Variants in PFN4 observed in about 807,000 individuals in gnomAD.
PFN4 encodes profilin-4.
A neutral mutation model predicts 16.3 loss-of-function variants in PFN4; 10 were observed. The observed-to-expected ratio is 0.61, with a 90% CI of 0.38 to 1.04. The LOEUF (loss-of-function observed/expected upper bound fraction) is 1.04, where lower values mean the gene tolerates loss of function less well. Among genes scored for constraint, PFN4 ranks in the 50% least tolerant of loss-of-function variants. PFN4 has a pLI of 0.01. For synonymous variants in PFN4, 54 were observed against 56.9 expected (o/e 0.95, Z 0.23); for missense variants, 136 against 153.6 (o/e 0.89, Z 0.61).
chr2:24,119,606 C>T lies in PFN4; in HGVS notation c.332G>A (p.Ser111Asn). The change falls in exon 4 of 5, where the codon AGC becomes AAC. Residue 111 changes from serine to asparagine, a missense_variant. Transcript: ENST00000313213. Reference protein sequence around the residue: ...VATYTEGMYPSICVEATESLG... With the variant: ...VATYTEGMYPNICVEATESLG... ...GCTCTCTGTGGCTTCCACACAGATG[C>T]TAGGATACATGCCCTCAGTGTAAGT... The T allele has an allele frequency of 6.2e-7, 1 of 1,613,946 alleles. No homozygotes were observed. The highest frequency in any genetic ancestry group is 8.5e-7 in the Non-Finnish European group (1 of 1,179,866).
At position 24,121,490 on chromosome 2, in the gene PFN4, G is replaced by C. The variant is rs1033003650; in HGVS notation, c.118-190C>G. ...CAAATTATATGAAATTCAAACTTCA[G>C]TATCCATAAATATAAAATTTTATTG... On this transcript the variant is annotated intron_variant, in intron 2 of 4. Transcript: ENST00000313213. 2.6e-5 allele frequency among the ~76,000 whole-genome samples: 4 copies of C among 152,150 alleles called. No individual in the cohort carries two copies. In the South Asian group the frequency reaches 8.3e-4, roughly 32 times the overall value.
Position 24,121,305 on chromosome 2 carries a change from A to G in PFN4, c.118-5T>C, listed in dbSNP as rs367971215. ...TCGGACATCACTGGGCGTTACCTGG[A>G]GAGGTTACATGGTTAGAGCAGGAGT... On this transcript the variant is annotated splice_region_variant and splice_polypyrimidine_tract_variant and intron_variant, in intron 2 of 4. Coordinates refer to ENST00000313213, the MANE Select transcript of PFN4 (RefSeq NM_199346.3). 14 of 1,614,058 alleles carry G rather than the reference A, an allele frequency of 8.7e-6. No homozygotes were observed. The highest frequency in any genetic ancestry group is 1.2e-5 in the Non-Finnish European group (14 of 1,179,960).
intron 4 of PFN4, 139 bp from the exon 5 acceptor site, chr2:24,115,750 A>G: frequency 9.2e-6 from 8 of 869,014 alleles, no homozygotes; most frequent in East Asian, 2.6e-5. Context: ...CTGGAGAAAC[A>G]AGGGTGACTG....
At chr2:24,116,880 A>C (rs915329207) in intron 4 of PFN4, among the ~76,000 whole-genome samples, 62 of 148,234 alleles carry the variant, frequency 4.2e-4, no homozygotes, top group African/African-American at 1.5e-3. Flanking sequence ...GTGTCTCAAA[A>C]AAAAAAAAGA....
chr2:24,122,001 A>G (rs1463659523), intron 2 of PFN4, among the ~76,000 whole-genome samples: 1 of 152,164 alleles, frequency 6.6e-6, no homozygotes, highest in Non-Finnish European at 1.5e-5. Flanking sequence ...GAAACCTAAA[A>G]TATTTATGTA....
In PFN4 at chr2:24,123,216, T is replaced by C. The variant is rs1397971228; in HGVS notation, c.-111A>G. ...AGGGGGTGGTGAGCGGTGAATTCCCTGGCACCGAGGACTCGAGGGAGCGGA... is the reference window on the plus strand; with the variant it reads ...AGGGGGTGGTGAGCGGTGAATTCCCCGGCACCGAGGACTCGAGGGAGCGGA... On this transcript the variant is annotated 5_prime_UTR_variant, in exon 1 of 5. Transcript: ENST00000313213. 1 of 152,196 alleles carries C rather than the reference T, an allele frequency of 6.6e-6. No individual in the cohort carries two copies. The highest frequency in any genetic ancestry group is 2.4e-5 in the African/African-American group (1 of 41,400). 9.4% of individuals were successfully genotyped at this position (152,196 alleles called of 1,614,324 possible). A position where few individuals can be genotyped will look rare whatever the true frequency, so the allele number is the denominator to read the frequency against.
At chr2:24,122,623 GAC>G in intron 1 of PFN4, 76 bp from the exon 2 acceptor site, 1 of 841,506 alleles carries the variant, frequency 1.2e-6, no homozygotes, top group East Asian at 2.4e-5. Context: ...ATGTCCTTAA[GAC>G]ACTGCAGACA....
chr2:24,121,665 G>A (rs1457243909), intron 2 of PFN4, among the ~76,000 whole-genome samples: 1 of 152,094 alleles, frequency 6.6e-6, no homozygotes, highest in African/African-American at 2.4e-5. Context: ...GGGGCCTAAT[G>A]GGAGGTATTT....
chr2:24,121,185 T>C lies in PFN4; in HGVS notation c.233A>G (p.Glu78Gly). ...CACATTTTTGGCATAAAGAGAATAT[T>C]CATCTGCCCGGACACATCTGTAATC... ...GKDYRCVRADEYSLYAKNENT... is the reference protein window; with the variant it reads ...GKDYRCVRADGYSLYAKNENT... The change falls in exon 3 of 5, where the codon GAA becomes GGA. Residue 78 changes from glutamate to glycine, a missense_variant. Coordinates refer to ENST00000313213, the MANE Select transcript of PFN4 (RefSeq NM_199346.3). 1 of 1,614,130 alleles carries C rather than the reference T, an allele frequency of 6.2e-7. No homozygotes were observed. The highest frequency in any genetic ancestry group is 8.5e-7 in the Non-Finnish European group (1 of 1,180,006).
intron 4 of PFN4, among the ~76,000 whole-genome samples, chr2:24,117,453 T>C (rs940312357): frequency 2.6e-5 from 4 of 151,842 alleles, no homozygotes; most frequent in Non-Finnish European, 4.4e-5. Flanking sequence ...TCTTTTTTTT[T>C]TTTTCTCGAG....
At chr2:24,123,393 G>C (rs1666190255), upstream of PFN4, 1 of 152,104 alleles carries the variant, frequency 6.6e-6, no homozygotes, top group Admixed American at 6.5e-5. Context: ...CGCAAACCAA[G>C]ACCCGCCACC....
chr2:24,117,824 TAAAGG>T (rs1225849751), intron 4 of PFN4, among the ~76,000 whole-genome samples: 1 of 151,848 alleles, frequency 6.6e-6, no homozygotes, highest in Non-Finnish European at 1.5e-5. Context: ...TAAAAAGGAG[TAAAGG>T]AAACAAAAGT....
intron 4 of PFN4, 32 bp downstream of exon 4, chr2:24,119,545 G>T: frequency 6.6e-7 from 1 of 1,514,626 alleles, no homozygotes. Context: ...CTAACATAGG[G>T]AATGAAGACA....
At chr2:24,120,159 C>T (rs571173230) in intron 3 of PFN4, among the ~76,000 whole-genome samples, 24 of 152,078 alleles carry the variant, frequency 1.6e-4, no homozygotes, top group Admixed American at 3.9e-4. Context: ...ACCCCAGCTA[C>T]TCGGTAAGCT....
intron 2 of PFN4, among the ~76,000 whole-genome samples, chr2:24,121,516 G>T (rs1651302174): frequency 6.6e-6 from 1 of 152,072 alleles, no homozygotes; most frequent in South Asian, 2.1e-4. Flanking sequence ...AATTTTATTG[G>T]AACACAGTCA....
chr2:24,116,813 G>A (rs1324872231), intron 4 of PFN4, among the ~76,000 whole-genome samples: 2 of 151,368 alleles, frequency 1.3e-5, no homozygotes, highest in Non-Finnish European at 2.9e-5. Flanking sequence ...GAACCTGGAA[G>A]TTGCAGGGAG....
intron 4 of PFN4, among the ~76,000 whole-genome samples, chr2:24,115,911 A>C (rs1255792580): frequency 1.7e-5 from 2 of 118,472 alleles, no homozygotes; most frequent in African/African-American, 2.8e-5. Context: ...CCCATGCAAA[A>C]AAAAAAAAAA....
At chr2:24,118,639 G>A (rs142391012) in intron 4 of PFN4, among the ~76,000 whole-genome samples, 21 of 152,270 alleles carry the variant, frequency 1.4e-4, no homozygotes, top group African/African-American at 4.6e-4. Context: ...GATCTGACTT[G>A]GTTCTTTAAT....
rs533963562 is a variant in PFN4 at position 24,122,572 on chromosome 2, C to T, written c.-12-25G>A. ...TCTGAAAGGGAAAGTGCAGTTGAAG[C>T]CATTGACTCTGGCTAGCTTTTAAAA... On this transcript the variant is annotated intron_variant, in intron 1 of 4. Coordinates refer to ENST00000313213, the MANE Select transcript of PFN4 (RefSeq NM_199346.3). 24 of 1,423,464 alleles carry T rather than the reference C, an allele frequency of 1.7e-5. No individual in the cohort carries two copies. The South Asian group carries it at 2.3e-4, about 14-fold the overall frequency. 88.2% of individuals were successfully genotyped at this position (1,423,464 alleles called of 1,614,324 possible). A position where few individuals can be genotyped will look rare whatever the true frequency, so the allele number is the denominator to read the frequency against.
Sources: gnomAD v4.1 joint callset for allele counts (sites outside exome capture counted in the v4.1 genomes callset) on GRCh38, gnomAD v4.1.1 for gene constraint, MANE v1.5 for transcripts, NCBI Gene and HGNC (gene_info 2026-07-23, HGNC 2026-07-21) for gene names.